The following TP73 variants were observed in gnomAD, a reference collection of about 807,000 sequenced individuals.
TP73 encodes tumor protein p73, also known as p53-like transcription factor.
In TP73, 25 loss-of-function variants were observed where a neutral mutation model predicts 62.5. That is an observed-to-expected ratio of 0.40 (90% CI 0.29 to 0.56). The LOEUF (loss-of-function observed/expected upper bound fraction) is 0.56, where lower values mean the gene tolerates loss of function less well. TP73 is among the 20% of genes least tolerant of loss of function. The pLI, the probability that TP73 is intolerant of heterozygous loss-of-function variation, is 0.46. For synonymous variants in TP73, 423 were observed against 377.5 expected (o/e 1.12, Z -1.40); for missense variants, 754 against 913.3 (o/e 0.83, Z 2.25).
At position 3,707,683 on chromosome 1, in the gene TP73, C is replaced by T. The variant is rs1639786916; in HGVS notation, c.321C>T (p.Asp107=). ...ACGCACAACCCAGCTCCACCTTCGA[C>T]ACCATGTCGCCGGCGCCTGTCATCC... The part of the protein sequence containing the change: ...SPYAQPSSTF[D]TMSPAPVIPS... Residue 107 remains aspartate (D), a synonymous_variant, in exon 4 of 14, where the codon GAC becomes GAT. Coordinates refer to ENST00000378295, the MANE Select transcript of TP73 (RefSeq NM_005427.4). 1 of 1,613,268 alleles carries T rather than the reference C, an allele frequency of 6.2e-7. No homozygotes were observed. Among genetic ancestry groups the T allele is most frequent in the East Asian group, 2.2e-5 (1 of 44,868 alleles).
At chr1:3,718,541 G>A (rs909016243) in intron 4 of TP73, among the ~76,000 whole-genome samples, 3 of 152,072 alleles carry the variant, frequency 2.0e-5, no homozygotes, top group East Asian at 2.0e-4. Context: ...ATGGCCGGGG[G>A]TGCTGGGGCA....
rs1642352186 is a variant in TP73, at chr1:3,734,484, C to G, written c.*1405C>G. The G allele has an allele frequency of 6.6e-6, 1 of 152,404 alleles. No individual in the cohort carries two copies. Among genetic ancestry groups the G allele is most frequent in the South Asian group, 2.1e-4 (1 of 4,830 alleles). 9.4% of individuals were successfully genotyped at this position (152,404 alleles called of 1,614,324 possible). ...CTCACCCACGCAAGCCGAGACACCA[C>G]CCAGAGTGCAGGCTGCCTGGCCCCT... On this transcript the variant is annotated 3_prime_UTR_variant, in exon 14 of 14. Coordinates refer to ENST00000378295, the MANE Select transcript of TP73 (RefSeq NM_005427.4). This position sits in a 1 kb window ranked among gnomAD's most constrained non-coding sequence, Gnocchi z 4.4.
In TP73 at chr1:3,727,703, G is replaced by A. The variant is rs1418080210; in HGVS notation, c.918G>A (p.Glu306=). Residue 306 remains glutamate (E), a synonymous_variant, in exon 8 of 14, where the codon GAG becomes GAA. Coordinates refer to ENST00000378295, the MANE Select transcript of TP73 (RefSeq NM_005427.4). The stretch of plus-strand genomic sequence containing the variant: ...CTGGCCGCGACCGAAAAGCTGATGA[G>A]GACCACTACCGGGAGCAGCAGGCCC... ...ACPGRDRKAD[E]DHYREQQALN... 4.4e-6 allele frequency: 7 copies of A among 1,583,716 alleles called. No individual in the cohort carries two copies. The highest frequency in any genetic ancestry group is 6.0e-6 in the Non-Finnish European group (7 of 1,167,056).
intron 3 of TP73, among the ~76,000 whole-genome samples, chr1:3,684,041 G>A (rs1645587300): frequency 2.6e-5 from 4 of 152,226 alleles, no homozygotes; most frequent in Non-Finnish European, 4.4e-5. Context: ...GCTGGTGGGG[G>A]CCACGCTCCT....
intron 4 of TP73, among the ~76,000 whole-genome samples, chr1:3,710,341 G>A (rs1640031541): frequency 6.6e-6 from 1 of 152,156 alleles, no homozygotes; most frequent in Non-Finnish European, 1.5e-5. Flanking sequence ...TCTGGGGCCA[G>A]AACCCCCTCC....
At chr1:3,695,357 G>T (rs1261822887) in intron 3 of TP73, among the ~76,000 whole-genome samples, 1 of 152,212 alleles carries the variant, frequency 6.6e-6, no homozygotes, top group Non-Finnish European at 1.5e-5. Context: ...GTCTCAGGAG[G>T]TTAGCCAGGG....
intron 3 of TP73, among the ~76,000 whole-genome samples, chr1:3,685,686 G>C (rs763742370): frequency 1.3e-5 from 2 of 152,254 alleles, no homozygotes; most frequent in African/African-American, 2.4e-5. Context: ...GGGCTTAGCT[G>C]CCTTGAGAAT....
At chr1:3,729,014 G>A (rs1367982319) in intron 9 of TP73, among the ~76,000 whole-genome samples, 3 of 152,134 alleles carry the variant, frequency 2.0e-5, no homozygotes, top group African/African-American at 4.8e-5. Flanking sequence ...GAGACAGAGA[G>A]ACAGAGAGAG....
Position 3,709,131 on chromosome 1 carries a change from G to T in TP73, c.429+1340G>T, listed in dbSNP as rs573118543. On this transcript the variant is annotated intron_variant, in intron 4 of 13. Transcript: ENST00000378295. ...GACAGTCCTGCCGGGCTGGTCTGGG[G>T]TCTGGGTTCCAGGCCCCGCCCGCCC... Among the ~76,000 whole-genome samples the T allele has an allele frequency of 2.0e-5, 3 of 152,296 alleles. No individual in the cohort carries two copies. The East Asian group carries it at 5.8e-4, about 29-fold the overall frequency.
chr1:3,658,917 A>T (rs528489344), intron 1 of TP73: 2 of 147,758 alleles, frequency 1.4e-5, no homozygotes, highest in South Asian at 4.3e-4. Context: ...GGGGTGGCGT[A>T]TTCTGGTCTC....
At chr1:3,731,398 T>C (rs1745813) in intron 12 of TP73, 65 bp from the exon 13 acceptor site, 1,108,425 of 1,514,416 alleles carry the variant, frequency 0.73, 414,045 homozygotes, top group Non-Finnish European at 0.78. Flanking sequence ...CTCTCAGAGA[T>C]GGGGGCTCGC....
chr1:3,676,773 C>T (rs1645381991), intron 1 of TP73, among the ~76,000 whole-genome samples: 1 of 151,960 alleles, frequency 6.6e-6, no homozygotes, highest in Non-Finnish European at 1.5e-5. Context: ...GCGTGTGAGC[C>T]TGAGGCCCTG....
At chr1:3,726,794 G>A (rs897646267) in intron 6 of TP73, among the ~76,000 whole-genome samples, 5 of 148,914 alleles carry the variant, frequency 3.4e-5, no homozygotes, top group Non-Finnish European at 7.5e-5. Flanking sequence ...GGATGGATGG[G>A]TAGATAATAA....
chr1:3,652,867 C>A (rs1644785093), intron 1 of TP73: 2 of 152,458 alleles, frequency 1.3e-5, no homozygotes, highest in African/African-American at 4.8e-5. Context: ...TGCGAGGAGA[C>A]GCGGGTCCTG....
Position 3,732,909 on chromosome 1 carries a change from C to T in TP73, c.1741C>T (p.Arg581Trp), listed in dbSNP as rs1271961675. 6.2e-7 allele frequency: 1 copy of T among 1,610,844 alleles called. No individual in the cohort carries two copies. The highest frequency in any genetic ancestry group is 8.5e-7 in the Non-Finnish European group (1 of 1,179,510). ...IGGSGELQRQRVMEAVHFRVR... is the reference protein window; with the variant it reads ...IGGSGELQRQWVMEAVHFRVR... ...CGGCTCAGGGGAACTGCAGCGCCAGCGGGTCATGGAGGCCGTGCACTTCCG... is the reference window on the plus strand; with the variant it reads ...CGGCTCAGGGGAACTGCAGCGCCAGTGGGTCATGGAGGCCGTGCACTTCCG... Residue 581 changes from arginine (R) to tryptophan (W), a missense_variant, in exon 14 of 14, where the codon CGG (arginine) becomes TGG (tryptophan). Arg to Trp is a moderately radical substitution (Grantham distance 101). Transcript: ENST00000378295.
chr1:3,679,601 GTC>G (rs770116961), intron 1 of TP73, among the ~76,000 whole-genome samples: 3 of 147,614 alleles, frequency 2.0e-5, no homozygotes, highest in South Asian at 4.4e-4. Context: ...CTTTGTCCTT[GTC>G]TCTCTGTTTT....
Position 3,670,696 on chromosome 1 carries a change from G to A in TP73, c.-33-11637G>A, listed in dbSNP as rs969241071. Among the ~76,000 whole-genome samples the A allele has an allele frequency of 6.6e-6, 1 of 152,052 alleles. No homozygotes were observed. Among genetic ancestry groups the A allele is most frequent in the Non-Finnish European group, 1.5e-5 (1 of 68,020 alleles). ...AAATAAAATAAAATAAAAAAGATAG[G>A]AAAAGAAAAAGAAAAAGTGAGGAGA... On this transcript the variant is annotated intron_variant, in intron 1 of 13. Coordinates refer to ENST00000378295, the MANE Select transcript of TP73 (RefSeq NM_005427.4). This position sits in a 1 kb window ranked among gnomAD's most constrained non-coding sequence, Gnocchi z 5.9.
intron 3 of TP73, among the ~76,000 whole-genome samples, chr1:3,703,821 A>G (rs1417337641): frequency 2.0e-5 from 3 of 152,160 alleles, no homozygotes; most frequent in Non-Finnish European, 2.9e-5. Flanking sequence ...GCAGCCCTTG[A>G]GCCCCGGGAT....
At position 3,731,443 on chromosome 1, in the gene TP73, T is replaced by C. The variant is rs1418289062; in HGVS notation, c.1485-20T>C. Reference sequence around the variant, plus strand: ...TGCTCGGAAGCTAATGCTGCTTCCTTTCTCAAATTCTCTCTGCAGTTTTTT... The same window carrying C: ...TGCTCGGAAGCTAATGCTGCTTCCTCTCTCAAATTCTCTCTGCAGTTTTTT... On this transcript the variant is annotated intron_variant, in intron 12 of 13. Coordinates refer to ENST00000378295, the MANE Select transcript of TP73 (RefSeq NM_005427.4). The C allele has an allele frequency of 6.2e-7, 1 of 1,611,438 alleles. No individual in the cohort carries two copies. Among genetic ancestry groups the C allele is most frequent in the Admixed American group, 1.7e-5 (1 of 59,994 alleles).
Sources: allele counts gnomAD v4.1 joint callset (sites outside exome capture counted in the v4.1 genomes callset), GRCh38; gene constraint gnomAD v4.1.1; non-coding constraint Gnocchi (gnomAD v3.1); transcripts MANE v1.5; gene names NCBI Gene and HGNC (gene_info 2026-07-23, HGNC 2026-07-21).